The following LYSMD1 variants were observed in gnomAD, a reference collection of about 807,000 sequenced individuals.
LYSMD1 encodes LysM domain containing 1, also known as lysM and putative peptidoglycan-binding domain-containing protein 1.
LYSMD1 carries 9 observed loss-of-function variants against 19.3 expected under a neutral mutation model. That is an observed-to-expected ratio of 0.47 (90% confidence interval 0.28 to 0.81). The LOEUF is 0.81. LYSMD1 is among the 40% of genes least tolerant of loss of function. The pLI, the probability that LYSMD1 is intolerant of heterozygous loss-of-function variation, is 0.11. For synonymous variants in LYSMD1, 111 were observed against 111.7 expected, an observed-to-expected ratio of 0.99 and a Z score of 0.04; for missense variants, 262 against 279.8, an observed-to-expected ratio of 0.94 and a Z score of 0.45.
In LYSMD1 at chr1:151,160,834, G is replaced by C. The variant is rs753495889; in HGVS notation, c.*48C>G. The C allele has an allele frequency of 3.8e-6, 6 of 1,589,268 alleles. No homozygotes were observed. The South Asian group carries it at 6.7e-5, about 18-fold the overall frequency. ...CCTCACCTCAGGCTCCTCTCCCCCT[G>C]AAGTTTCTCTTTCAACATCTTGCTT... On this transcript the variant is annotated 3_prime_UTR_variant, in exon 3 of 3. Transcript: ENST00000368908.
chr1:151,164,054 C>T (rs186019092), intron 1 of LYSMD1, among the ~76,000 whole-genome samples: 14 of 152,048 alleles, frequency 9.2e-5, no homozygotes, highest in African/African-American at 3.4e-4. Context: ...CCACCACGCC[C>T]GGCTAATTTT....
chr1:151,150,592 C>A, the LYSMD1 span, among the ~76,000 whole-genome samples: 1 of 152,182 alleles, frequency 6.6e-6, no homozygotes, highest in African/African-American at 2.4e-5. Flanking sequence ...GACCTGTTGA[C>A]TCCCCCCTCC....
chr1:151,158,942 G>T (rs1239176693), downstream of LYSMD1: 2 of 1,614,272 alleles, frequency 1.2e-6, no homozygotes, highest in Non-Finnish European at 1.7e-6. Flanking sequence ...TTTGGCCCCA[G>T]TGAGCTGGCC....
the LYSMD1 span, among the ~76,000 whole-genome samples, chr1:151,149,623 C>T: frequency 5.9e-5 from 9 of 151,918 alleles, no homozygotes; most frequent in East Asian, 3.9e-4. Flanking sequence ...TGGCGGTGTG[C>T]GCCTGTAGTC....
At position 151,165,809 on chromosome 1, in the gene LYSMD1, GCT is replaced by G; in HGVS notation, c.-553_-552del. ...AGATAGGTCACACCCTCAAATTTCG[GCT>G]CCACATCTAGGTTGTTGTCCCTCCA... is the stretch of plus-strand genomic sequence containing the variant. On this transcript the variant is annotated 5_prime_UTR_variant, in exon 1 of 3. The change abolishes the stop of an existing upstream ORF in the 5' untranslated region. Transcript: ENST00000368908. 1 of 1,537,272 alleles carries G rather than the reference GCT, an allele frequency of 6.5e-7. No individual in the cohort carries two copies. Among genetic ancestry groups the G allele is most frequent in the Non-Finnish European group, 8.8e-7 (1 of 1,133,808 alleles).
chr1:151,162,478 A>G (rs1452318252), intron 1 of LYSMD1, among the ~76,000 whole-genome samples: 2 of 152,170 alleles, frequency 1.3e-5, no homozygotes, highest in African/African-American at 4.8e-5. Context: ...GAATAAATAA[A>G]AATGAAGGAA....
the LYSMD1 span, among the ~76,000 whole-genome samples, chr1:151,153,024 A>T: frequency 3.3e-5 from 5 of 152,350 alleles, no homozygotes; most frequent in South Asian, 1.0e-3. Flanking sequence ...ATTGAAAGTC[A>T]TTGAGACTTA....
intron 1 of LYSMD1, among the ~76,000 whole-genome samples, chr1:151,163,954 T>C (rs1558202433): frequency 6.6e-6 from 1 of 151,432 alleles, no homozygotes; most frequent in Non-Finnish European, 1.5e-5. Context: ...AGTGCAGTGG[T>C]GCGATCTCAG....
chr1:151,148,890 T>C, the LYSMD1 span, among the ~76,000 whole-genome samples: 15 of 152,220 alleles, frequency 9.9e-5, no homozygotes, highest in Admixed American at 7.9e-4. Flanking sequence ...CTGGTTAAAA[T>C]CATCTGACAG....
At chr1:151,150,200 C>T in the LYSMD1 span, among the ~76,000 whole-genome samples, 1 of 152,304 alleles carries the variant, frequency 6.6e-6, no homozygotes, top group Non-Finnish European at 1.5e-5. Context: ...AAGTGATTCT[C>T]CTGCCTCGGC....
At chr1:151,162,965 G>A (rs1005516266) in intron 1 of LYSMD1, among the ~76,000 whole-genome samples, 23 of 152,066 alleles carry the variant, frequency 1.5e-4, no homozygotes, top group African/African-American at 9.7e-5. Context: ...CTATGGCTCC[G>A]CACTGGCTAA....
chr1:151,159,755 G>A lies in LYSMD1; in HGVS notation c.*1127C>T. 6 of 176,774 alleles carry A rather than the reference G, an allele frequency of 3.4e-5. No homozygotes were observed. The highest frequency in any genetic ancestry group is 1.7e-4 in the East Asian group (1 of 5,736). The allele number at this position is 176,774 out of a possible 1,614,324, so 11.0% of individuals were successfully genotyped here. ...AATAAAACTACTAAAATATGCACAG[G>A]GCTCAATGTTTAATCTGTCCAGCTT... On this transcript the variant is annotated 3_prime_UTR_variant, in exon 3 of 3. Transcript: ENST00000368908.
At chr1:151,158,424 T>G (rs1242552074), downstream of LYSMD1, among the ~76,000 whole-genome samples, 1 of 151,488 alleles carries the variant, frequency 6.6e-6, no homozygotes, top group Admixed American at 6.6e-5. Flanking sequence ...TAGGCTAGCC[T>G]CCCGTGTGCC....
At chr1:151,158,531 CA>C, downstream of LYSMD1, 1 of 630,962 alleles carries the variant, frequency 1.6e-6, no homozygotes, top group Non-Finnish European at 2.8e-6. Context: ...AGGAGCAAGG[CA>C]TAGAGGACTG....
downstream of LYSMD1, chr1:151,159,446 T>A: frequency 1.7e-6 from 1 of 596,782 alleles, no homozygotes; most frequent in East Asian, 3.0e-5. Context: ...TGCTGAGGGG[T>A]GAGGCCTCTC....
chr1:151,159,085 T>G, downstream of LYSMD1: 1 of 1,614,098 alleles, frequency 6.2e-7, no homozygotes, highest in Non-Finnish European at 8.5e-7. Flanking sequence ...GCTGCTAGAG[T>G]TGGTGGAACA....
chr1:151,150,022 A>C, the LYSMD1 span, among the ~76,000 whole-genome samples: 1 of 152,088 alleles, frequency 6.6e-6, no homozygotes, highest in African/African-American at 2.4e-5. Context: ...TCGAAGGTTC[A>C]CCTATGACTT....
At chr1:151,159,080 T>C (rs1683340013), downstream of LYSMD1, 3 of 1,614,074 alleles carry the variant, frequency 1.9e-6, no homozygotes, top group Non-Finnish European at 2.5e-6. Flanking sequence ...GATGTGCTGC[T>C]AGAGTTGGTG....
At chr1:151,152,166 G>C in the LYSMD1 span, among the ~76,000 whole-genome samples, 2 of 152,102 alleles carry the variant, frequency 1.3e-5, no homozygotes, top group African/African-American at 4.8e-5. Context: ...GGGAGGCCAA[G>C]GCAGGCGAAT....
Sources: gnomAD v4.1 joint callset for allele counts (sites outside exome capture counted in the v4.1 genomes callset) on GRCh38, gnomAD v4.1.1 for gene constraint, MANE v1.5 for transcripts, NCBI Gene and HGNC (gene_info 2026-07-23, HGNC 2026-07-21) for gene names.